MYH7B: variants seen among roughly 807,000 people sequenced by gnomAD.
The protein encoded by MYH7B is myosin heavy chain 7B, also known as myosin-7B.
Under a neutral mutation model 234.5 loss-of-function variants are expected in MYH7B, and 205 were observed. The ratio of observed to expected loss-of-function variants is 0.87; its 90% confidence interval spans 0.78 to 0.98. The LOEUF (loss-of-function observed/expected upper bound fraction) is 0.98, where lower values mean the gene tolerates loss of function less well. Among genes scored for constraint, MYH7B ranks in the 50% least tolerant of loss-of-function variants. MYH7B has a pLI of 0.00. For synonymous variants in MYH7B, 1,193 were observed against 1,105.0 expected (o/e 1.08, Z -1.58); for missense variants, 2,652 against 2,633.4 (o/e 1.01, Z -0.15).
intron 5 of MYH7B, 49 bp downstream of exon 5, chr20:34,978,145 T>A (rs776419245): frequency 1.2e-6 from 2 of 1,607,390 alleles, no homozygotes; most frequent in African/African-American, 2.7e-5. Context: ...GATGCCCTTA[T>A]GGACTCAGAC....
intron 12 of MYH7B, 50 bp downstream of exon 12, chr20:34,984,996 G>C: frequency 6.2e-7 from 1 of 1,609,092 alleles, no homozygotes; most frequent in Non-Finnish European, 8.5e-7. Context: ...GGCCACCAGC[G>C]GCAGGTCGGG....
At chr20:34,999,288 G>A in exon 36 of MYH7B, 1 of 1,591,532 alleles carries the variant, frequency 6.3e-7, no homozygotes, top group Non-Finnish European at 8.6e-7. Flanking sequence ...GCGGGAGCTG[G>A]AGGCGGCACA....
At chr20:34,997,746 AGC>A in intron 32 of MYH7B, 106 bp downstream of exon 32, 1 of 1,357,536 alleles carries the variant, frequency 7.4e-7, no homozygotes. Context: ...CCTTATCCTG[AGC>A]CCTGACCTCT....
At chr20:34,992,992 C>A in intron 24 of MYH7B, 110 bp from the exon 25 acceptor site, 2 of 1,374,696 alleles carry the variant, frequency 1.5e-6, no homozygotes, top group African/African-American at 1.4e-5. Context: ...GGCCCAGGAA[C>A]GAGTCCCCTG....
At chr20:34,973,734 C>T (rs1021695885) in intron 2 of MYH7B, among the ~76,000 whole-genome samples, 1 of 152,194 alleles carries the variant, frequency 6.6e-6, no homozygotes. Flanking sequence ...GCTCCCTCTG[C>T]TCCAGGACAG....
chr20:34,994,380 C>T (rs778066700), exon 27 of MYH7B: 5 of 1,587,406 alleles, frequency 3.1e-6, no homozygotes, highest in Admixed American at 3.5e-5. Context: ...AGAAGAATGA[C>T]CTGGCCCTGC....
intron 2 of MYH7B, among the ~76,000 whole-genome samples, chr20:34,967,410 A>AG (rs1474851726): frequency 6.6e-6 from 1 of 152,054 alleles, no homozygotes; most frequent in African/African-American, 2.4e-5. Flanking sequence ...GGGAGCAAGC[A>AG]GGGTCACCCT....
chr20:34,969,307 G>A (rs6120774), intron 2 of MYH7B, among the ~76,000 whole-genome samples: 1 of 152,034 alleles, frequency 6.6e-6, no homozygotes, highest in Non-Finnish European at 1.5e-5. Context: ...TATTCATTTA[G>A]CAAACACTTT....
chr20:34,986,951 GACA>G (rs1421621207), exon 15 of MYH7B: 4 of 1,614,120 alleles, frequency 2.5e-6, no homozygotes, highest in Non-Finnish European at 3.4e-6. Flanking sequence ...CATCACCGTG[GACA>G]ACATGAATGA....
exon 45 of MYH7B, chr20:35,002,313 T>TA: frequency 9.3e-7 from 1 of 1,077,612 alleles, no homozygotes; most frequent in Non-Finnish European, 1.3e-6. Context: ...GGGCCCTGAA[T>TA]AAACACCACA....
intron 9 of MYH7B, 63 bp from the exon 10 acceptor site, chr20:34,982,396 C>T: frequency 7.2e-7 from 1 of 1,392,980 alleles, no homozygotes; most frequent in Non-Finnish European, 1.0e-6. Flanking sequence ...AGGGGTGAGG[C>T]ATTGGGGGTG....
chr20:35,000,729 C>T, intron 39 of MYH7B, 39 bp from the exon 40 acceptor site: 1 of 1,606,596 alleles, frequency 6.2e-7, no homozygotes, highest in Admixed American at 1.7e-5. Flanking sequence ...AGGTGCAGGC[C>T]TGCTGGCTGG....
intron 28 of MYH7B, 103 bp from the exon 29 acceptor site, chr20:34,996,243 A>C (rs1600464704): frequency 7.5e-7 from 1 of 1,334,152 alleles, no homozygotes; most frequent in East Asian, 2.5e-5. Context: ...GACTTGCCTG[A>C]GTCCCATAGC....
At chr20:34,985,665 C>T (rs977934315) in intron 13 of MYH7B, among the ~76,000 whole-genome samples, 1 of 152,142 alleles carries the variant, frequency 6.6e-6, no homozygotes, top group African/African-American at 2.4e-5. Context: ...GTTGGCCACT[C>T]CCCACATTGG....
rs41307159 is a variant in MYH7B, at chr20:34,999,165, G to A, written c.4300G>A (p.Asp1434Asn). 0.016 allele frequency: 25,818 copies of A among 1,613,744 alleles called. 236 individuals are homozygous for A. Among genetic ancestry groups the A allele is most frequent in the Non-Finnish European group, 0.019 (22,975 of 1,179,980 alleles). ...GCTGCGGCTACAGACAGAGTCAGAG[G>A]ATGTAACCCTGGAGCTGGAGCGGGC... Residue 1434 changes from aspartate (D) to asparagine (N), a missense_variant, in exon 36 of 45, where the codon GAT (aspartate) becomes AAT (asparagine). By Grantham distance (23) the Asp-to-Asn change is conservative. This residue lies in a region of MYH7B where 2,279 missense variants were observed against 2,211.4 expected (regional missense o/e 1.03). Transcript: ENST00000262873.
At chr20:34,978,065 G>A (rs371007456) in exon 5 of MYH7B, 10 of 1,614,108 alleles carry the variant, frequency 6.2e-6, no homozygotes, top group Non-Finnish European at 7.6e-6. Flanking sequence ...GCTACCAGGA[G>A]ATGACGAAGG....
At position 35,001,517 on chromosome 20, in the gene MYH7B, T is replaced by G. The variant is rs756161122; in HGVS notation, c.5667T>G (p.Phe1889Leu). The change falls in exon 43 of 45, where the codon TTT (phenylalanine) becomes TTG (leucine). Residue 1889 changes from phenylalanine (F) to leucine (L), a missense_variant. By Grantham distance (22) the Phe-to-Leu change is conservative. Transcript: ENST00000262873. ...AGGTCAAGAGCTACAAGCGCCAGTTTGAGGAGGCGGTGAGTGCGCTGGGGC... is the reference window on the plus strand; with the variant it reads ...AGGTCAAGAGCTACAAGCGCCAGTTGGAGGAGGCGGTGAGTGCGCTGGGGC... 19 of 1,608,082 alleles carry G rather than the reference T, an allele frequency of 1.2e-5. No homozygotes were observed. Among genetic ancestry groups the G allele is most frequent in the Non-Finnish European group, 1.5e-5 (18 of 1,177,376 alleles).
chr20:34,989,122 TTTA>T (rs1218918096), intron 19 of MYH7B, among the ~76,000 whole-genome samples: 2 of 152,208 alleles, frequency 1.3e-5, no homozygotes, highest in Non-Finnish European at 2.9e-5. Flanking sequence ...TCCATTTTCT[TTTA>T]TAGACACAGA....
rs572108374 is a variant in MYH7B, at chr20:34,996,284, G to A, written c.2944-62G>A. 2.4e-4 allele frequency: 362 copies of A among 1,529,484 alleles called. 1 individual carries two copies. The highest frequency in any genetic ancestry group is 1.3e-3 in the Middle Eastern group (6 of 4,456). 94.7% of individuals were successfully genotyped at this position (1,529,484 alleles called of 1,614,324 possible). On this transcript the variant is annotated intron_variant, in intron 28 of 44. Transcript: ENST00000262873. Reference sequence around the variant, plus strand: ...GGGGCACTTGCTCTGACCTGGTGTGGTGTGGTGGCCGCTCAGAGTGCGGGG... The same window carrying A: ...GGGGCACTTGCTCTGACCTGGTGTGATGTGGTGGCCGCTCAGAGTGCGGGG...
Sources: allele counts gnomAD v4.1 joint callset (sites outside exome capture counted in the v4.1 genomes callset), GRCh38; gene constraint gnomAD v4.1.1; regional missense constraint gnomAD v4.1.1; transcripts MANE v1.5; gene names NCBI Gene and HGNC (gene_info 2026-07-23, HGNC 2026-07-21).